MYO1D: variants seen among roughly 807,000 people sequenced by gnomAD.
MYO1D encodes unconventional myosin-Id.
Under a neutral mutation model 122.0 loss-of-function variants are expected in MYO1D, and 83 were observed. That is an observed-to-expected ratio of 0.68 (90% CI 0.57 to 0.82). The LOEUF (loss-of-function observed/expected upper bound fraction) is 0.82, where lower values mean the gene tolerates loss of function less well. MYO1D is among the 40% of genes least tolerant of loss of function. MYO1D has a pLI of 0.00. For missense variants in MYO1D, 1,157 were observed against 1,269.5 expected (o/e 0.91, Z 1.35); for synonymous variants, 464 against 446.9 (o/e 1.04, Z -0.48).
intron 21 of MYO1D, among the ~76,000 whole-genome samples, chr17:32,535,762 AC>A (rs1910645001): frequency 6.6e-6 from 1 of 152,184 alleles, no homozygotes; most frequent in African/African-American, 2.4e-5. Flanking sequence ...ACAAAACAAA[AC>A]AAAACAAAAC....
chr17:32,860,833 G>A (rs1354888727), intron 1 of MYO1D, among the ~76,000 whole-genome samples: 3 of 152,040 alleles, frequency 2.0e-5, no homozygotes, highest in African/African-American at 7.2e-5. Flanking sequence ...ATTCCCTTCC[G>A]GCATTAAAAT....
rs1433956761 is a variant in MYO1D at position 32,721,068 on chromosome 17, C to T, written c.1868G>A (p.Arg623Gln). The T allele has an allele frequency of 5.0e-6, 8 of 1,614,128 alleles. No homozygotes were observed. The highest frequency in any genetic ancestry group is 5.9e-6 in the Non-Finnish European group (7 of 1,180,002). ...LGLLENVRVR[R>Q]AGFAFRQTYE... Reference sequence around the variant, plus strand: ...TGTCTGGCGGAAGGCAAATCCTGCCCGACGCACTCTCACATTTTCCAGTAG... The same window carrying T: ...TGTCTGGCGGAAGGCAAATCCTGCCTGACGCACTCTCACATTTTCCAGTAG... Residue 623 changes from arginine to glutamine, a missense_variant, in exon 15 of 22, where the codon CGG becomes CAG. Transcript: ENST00000318217.
intron 21 of MYO1D, among the ~76,000 whole-genome samples, chr17:32,500,354 G>A (rs762906186): frequency 7.9e-5 from 12 of 152,248 alleles, no homozygotes; most frequent in Non-Finnish European, 1.5e-4. Flanking sequence ...GACTCACCCA[G>A]TCCATGAAGT....
intron 21 of MYO1D, among the ~76,000 whole-genome samples, chr17:32,577,015 C>T (rs141392469): frequency 0.041 from 6,279 of 151,894 alleles, 197 homozygotes; most frequent in East Asian, 0.18. Context: ...TTTGGGAGGG[C>T]GAGGCAGGTG....
In MYO1D at chr17:32,712,103, T is replaced by C; in HGVS notation, c.2006A>G (p.Gln669Arg). 1 of 1,614,148 alleles carries C rather than the reference T, an allele frequency of 6.2e-7. No homozygotes were observed. Among genetic ancestry groups the C allele is most frequent in the South Asian group, 1.1e-5 (1 of 91,084 alleles). Residue 669 changes from glutamine to arginine, a missense_variant, in exon 16 of 22, where the codon CAG (glutamine) becomes CGG (arginine). Physicochemically the swap from Gln to Arg is conservative, Grantham distance 43. Coordinates refer to ENST00000318217, the MANE Select transcript of MYO1D (RefSeq NM_015194.3). ...VKKLIERCGF[Q>R]DDVAYGKTKI... Reference sequence around the variant, plus strand: ...GGTCTTCCCATAAGCTACATCATCCTGAAAACCACACCGTTCAATTAGTTT... The same window carrying C: ...GGTCTTCCCATAAGCTACATCATCCCGAAAACCACACCGTTCAATTAGTTT...
chr17:32,679,540 T>A (rs1407981250), intron 16 of MYO1D, among the ~76,000 whole-genome samples: 1 of 152,128 alleles, frequency 6.6e-6, no homozygotes, highest in Non-Finnish European at 1.5e-5. Context: ...TGCTTGTTTT[T>A]CTCAGGTTTG....
intron 1 of MYO1D, among the ~76,000 whole-genome samples, chr17:32,810,781 C>T (rs1439641070): frequency 3.9e-5 from 6 of 152,172 alleles, no homozygotes; most frequent in Admixed American, 3.9e-4. Flanking sequence ...TTTTAATATG[C>T]CTTTAAATAA....
chr17:32,745,210 C>A lies in MYO1D; in HGVS notation c.1613+1G>T, dbSNP rs779279939. The A allele has an allele frequency of 6.9e-7, 1 of 1,453,796 alleles. No homozygotes were observed. The highest frequency in any genetic ancestry group is 9.6e-7 in the Non-Finnish European group (1 of 1,044,546). The allele number at this position is 1,453,796 out of a possible 1,614,324, so 90.1% of individuals were successfully genotyped here. ...GTTAATTAATAAAATTTCAATCTTA[C>A]CTGTTATACATAAGGCGCTTGAAAT... is the stretch of plus-strand genomic sequence containing the variant. On this transcript the variant is annotated splice_donor_variant, in intron 13 of 21. Transcript: ENST00000318217. LOFTEE classifies it high-confidence loss of function.
intron 21 of MYO1D, among the ~76,000 whole-genome samples, chr17:32,564,667 C>G (rs1008341978): frequency 6.6e-6 from 1 of 152,190 alleles, no homozygotes; most frequent in Non-Finnish European, 1.5e-5. Context: ...ACTAAGTAGA[C>G]AGACGACTAC....
intron 19 of MYO1D, among the ~76,000 whole-genome samples, chr17:32,643,385 T>G (rs997203246): frequency 6.6e-6 from 1 of 152,188 alleles, no homozygotes; most frequent in Non-Finnish European, 1.5e-5. Context: ...TAAAATTCTC[T>G]TTTTTTGTTG....
chr17:32,697,483 A>T (rs1406336217), intron 16 of MYO1D, among the ~76,000 whole-genome samples: 2 of 152,186 alleles, frequency 1.3e-5, no homozygotes, highest in Non-Finnish European at 2.9e-5. Flanking sequence ...CATTGGGGGC[A>T]ACCTCTTTCA....
chr17:32,849,765 T>G (rs1028971193), intron 1 of MYO1D, among the ~76,000 whole-genome samples: 1 of 152,134 alleles, frequency 6.6e-6, no homozygotes, highest in Non-Finnish European at 1.5e-5. Context: ...TATACATATG[T>G]AACTAACCTG....
At chr17:32,728,184 T>C (rs1010069407) in intron 14 of MYO1D, among the ~76,000 whole-genome samples, 1 of 151,820 alleles carries the variant, frequency 6.6e-6, no homozygotes, top group Non-Finnish European at 1.5e-5. Flanking sequence ...CTTGACCTAA[T>C]GGACTTGTAT....
intron 1 of MYO1D, among the ~76,000 whole-genome samples, chr17:32,849,802 T>G (rs1396316240): frequency 1.5e-5 from 1 of 66,304 alleles, no homozygotes; most frequent in East Asian, 5.3e-4. Flanking sequence ...ACCCTAAAAC[T>G]TAAAGTATAA....
intron 14 of MYO1D, among the ~76,000 whole-genome samples, chr17:32,729,633 G>C (rs918647368): frequency 1.3e-5 from 2 of 152,144 alleles, no homozygotes; most frequent in African/African-American, 4.8e-5. Context: ...AAATCAAGTT[G>C]AGTGAGCCTA....
chr17:32,796,266 T>A (rs1254329687), intron 1 of MYO1D, among the ~76,000 whole-genome samples: 2 of 152,214 alleles, frequency 1.3e-5, no homozygotes, highest in Non-Finnish European at 2.9e-5. Flanking sequence ...ACTGGGGAGT[T>A]AGCTTATTTA....
intron 19 of MYO1D, among the ~76,000 whole-genome samples, chr17:32,644,801 T>C (rs2088263606): frequency 2.0e-5 from 3 of 152,334 alleles, no homozygotes; most frequent in African/African-American, 7.2e-5. Flanking sequence ...TTTGAGCCTG[T>C]GTGTCTCTAC....
chr17:32,566,317 T>C (rs2087173113), intron 21 of MYO1D, among the ~76,000 whole-genome samples: 1 of 152,196 alleles, frequency 6.6e-6, no homozygotes, highest in Non-Finnish European at 1.5e-5. Context: ...GGAAAAGGCT[T>C]CCTTGGGAAA....
At chr17:32,677,190 G>A (rs1044145021) in intron 16 of MYO1D, among the ~76,000 whole-genome samples, 10 of 152,072 alleles carry the variant, frequency 6.6e-5, no homozygotes, top group Non-Finnish European at 1.5e-4. Context: ...AGTTAGAAAG[G>A]CCTTCCCTAC....
Sources: gnomAD v4.1 joint callset for allele counts (sites outside exome capture counted in the v4.1 genomes callset) on GRCh38, gnomAD v4.1.1 for gene constraint, MANE v1.5 for transcripts, NCBI Gene and HGNC (gene_info 2026-07-23, HGNC 2026-07-21) for gene names.